FYCO1: variants seen among roughly 807,000 people sequenced by gnomAD.
The protein encoded by FYCO1 is FYVE and coiled-coil domain autophagy adaptor 1.
Under a neutral mutation model 165.1 loss-of-function variants are expected in FYCO1, and 122 were observed. That is an observed-to-expected ratio of 0.74 (90% CI 0.64 to 0.86). The LOEUF (loss-of-function observed/expected upper bound fraction) is 0.86, where lower values mean the gene tolerates loss of function less well. Among genes scored for constraint, FYCO1 ranks in the 40% least tolerant of loss-of-function variants. FYCO1 has a pLI of 0.00. For synonymous variants in FYCO1, 648 were observed against 742.5 expected (o/e 0.87, Z 2.07); for missense variants, 1,702 against 1,810.3 (o/e 0.94, Z 1.09).
rs142868764 is a variant in FYCO1 at position 45,968,479 on chromosome 3, C to T, written c.855G>A (p.Ala285=). 81 of 1,613,948 alleles carry T rather than the reference C, an allele frequency of 5.0e-5. No individual in the cohort carries two copies. Among genetic ancestry groups the T allele is most frequent in the Middle Eastern group, 1.6e-4 (1 of 6,082 alleles). The change falls in exon 8 of 18, where the codon GCG becomes GCA. Residue 285 remains alanine (A), a synonymous_variant. Coordinates refer to ENST00000296137, the MANE Select transcript of FYCO1 (RefSeq NM_024513.4). ...AGCAAGTGAGGCGAACGTTGTCCTC[C>T]GCTGCAGTGCGCCCCCTCTCCCTCT... ...QTERERGRTA[A]EDNVRLTCLV...
chr3:45,956,653 A>G (rs1705347651), intron 13 of FYCO1, among the ~76,000 whole-genome samples: 2 of 152,134 alleles, frequency 1.3e-5, no homozygotes, highest in South Asian at 4.1e-4. Context: ...TTTTCCATCA[A>G]TTCAGCCACA....
chr3:45,983,141 T>G (rs1439237384), intron 2 of FYCO1, among the ~76,000 whole-genome samples: 1 of 152,234 alleles, frequency 6.6e-6, no homozygotes, highest in Non-Finnish European at 1.5e-5. Flanking sequence ...ACCTGGCACA[T>G]GAAGGAAGCA....
At chr3:45,936,818 T>C (rs1575334590) in intron 14 of FYCO1, among the ~76,000 whole-genome samples, 1 of 151,988 alleles carries the variant, frequency 6.6e-6, no homozygotes, top group Non-Finnish European at 1.5e-5. Flanking sequence ...ATAGGAAGGG[T>C]GAGCAGAAAC....
chr3:45,986,220 T>G (rs914518269), intron 1 of FYCO1, among the ~76,000 whole-genome samples: 1 of 152,232 alleles, frequency 6.6e-6, no homozygotes, highest in Non-Finnish European at 1.5e-5. Context: ...TCCTACTGAC[T>G]TTTTAAGACT....
chr3:45,966,880 G>C lies in FYCO1; in HGVS notation c.2454C>G (p.Ala818=), dbSNP rs373925165. The stretch of plus-strand genomic sequence containing the variant: ...CAAGGGTTTTGTGCTCCCTCAGGAC[G>C]GCCTCAGCCATGCTTAGCTGGCTCT... ...KVQSQLSMAE[A]VLREHKTLVQ... Residue 818 remains alanine, a synonymous_variant, in exon 8 of 18, where the codon GCC becomes GCG. Transcript: ENST00000296137. The C allele has an allele frequency of 1.9e-6, 3 of 1,613,348 alleles. No homozygotes were observed. Among genetic ancestry groups the C allele is most frequent in the Admixed American group, 1.7e-5 (1 of 60,028 alleles).
At position 45,964,691 on chromosome 3, in the gene FYCO1, T is replaced by C. The variant is rs1435896092; in HGVS notation, c.3151-237A>G. 3.2e-6 allele frequency: 1 copy of C among 310,116 alleles called. No individual in the cohort carries two copies. The highest frequency in any genetic ancestry group is 1.7e-4 in the East Asian group (1 of 5,880). 19.2% of individuals were successfully genotyped at this position (310,116 alleles called of 1,614,324 possible). ...AGAATTCCCAGGGTAACACTGAAGG[T>C]AGGGGTGGCAGGGAGCAGGATTCAC... is the stretch of plus-strand genomic sequence containing the variant. On this transcript the variant is annotated intron_variant, in intron 9 of 17. Coordinates refer to ENST00000296137, the MANE Select transcript of FYCO1 (RefSeq NM_024513.4). This position sits in a 1 kb window ranked among gnomAD's most constrained non-coding sequence, Gnocchi z 4.1.
intron 1 of FYCO1, among the ~76,000 whole-genome samples, chr3:45,987,997 C>A (rs993490040): frequency 6.6e-6 from 1 of 152,216 alleles, no homozygotes; most frequent in African/African-American, 2.4e-5. Flanking sequence ...CTCTGTCTGA[C>A]CTTGGGAGTG....
rs149472411 is a variant in FYCO1 at position 45,967,341 on chromosome 3, C to G, written c.1993G>C (p.Ala665Pro). 3.4e-5 allele frequency: 55 copies of G among 1,609,340 alleles called. No homozygotes were observed. Among genetic ancestry groups the G allele is most frequent in the Non-Finnish European group, 4.5e-5 (53 of 1,176,686 alleles). ...AIQGSLASLE[A>P]EQASIRHLGD... Reference sequence around the variant, plus strand: ...AAGTGCCGGATGCTGGCCTGCTCGGCCTCCAGGGAGGCCAAGGAGCCCTGG... The same window carrying G: ...AAGTGCCGGATGCTGGCCTGCTCGGGCTCCAGGGAGGCCAAGGAGCCCTGG... Residue 665 changes from alanine to proline, a missense_variant, in exon 8 of 18, where the codon GCC (alanine) becomes CCC (proline). Coordinates refer to ENST00000296137, the MANE Select transcript of FYCO1 (RefSeq NM_024513.4).
chr3:45,976,970 A>G (rs1706791113), intron 4 of FYCO1, among the ~76,000 whole-genome samples: 1 of 152,166 alleles, frequency 6.6e-6, no homozygotes, highest in Non-Finnish European at 1.5e-5. Flanking sequence ...CTTTATAAAA[A>G]CCACCATGAC....
At position 45,923,785 on chromosome 3, in the gene FYCO1, G is replaced by A; in HGVS notation, c.4252-20C>T. 6.6e-7 allele frequency: 1 copy of A among 1,524,548 alleles called. No individual in the cohort carries two copies. The highest frequency in any genetic ancestry group is 1.7e-5 in the Admixed American group (1 of 59,920). 94.4% of individuals were successfully genotyped at this position (1,524,548 alleles called of 1,614,324 possible). Reference sequence around the variant, plus strand: ...GAGGACCTGGGAGGGAAAGCAGGTAGGCAAAAACATCACAGAGGCTGAGAG... The same window carrying A: ...GAGGACCTGGGAGGGAAAGCAGGTAAGCAAAAACATCACAGAGGCTGAGAG... On this transcript the variant is annotated intron_variant, in intron 16 of 17. Transcript: ENST00000296137.
At chr3:45,955,975 C>G (rs921517683) in intron 13 of FYCO1, among the ~76,000 whole-genome samples, 2 of 152,152 alleles carry the variant, frequency 1.3e-5, no homozygotes, top group African/African-American at 4.8e-5. Flanking sequence ...GTTCCTGTAC[C>G]AGTCATCTGC....
chr3:45,983,910 G>GT (rs1416532402), intron 2 of FYCO1, among the ~76,000 whole-genome samples: 1 of 152,226 alleles, frequency 6.6e-6, no homozygotes, highest in Non-Finnish European at 1.5e-5. Flanking sequence ...CTGAGAAAAT[G>GT]TTTTTTATCT....
chr3:45,959,265 G>T (rs1273540786), intron 12 of FYCO1, 128 bp downstream of exon 12: 5 of 1,045,668 alleles, frequency 4.8e-6, no homozygotes, highest in Non-Finnish European at 5.9e-6. Context: ...AAGCCAAAAC[G>T]CAATGTGCTC....
At chr3:45,981,466 G>C in intron 3 of FYCO1, 104 bp downstream of exon 3, 1 of 766,376 alleles carries the variant, frequency 1.3e-6, no homozygotes, top group Non-Finnish European at 2.3e-6. Flanking sequence ...AGGGCTTACT[G>C]GCTCCTTGGG....
intron 15 of FYCO1, among the ~76,000 whole-genome samples, chr3:45,935,517 G>A (rs1383294242): frequency 6.6e-6 from 1 of 152,184 alleles, no homozygotes; most frequent in Non-Finnish European, 1.5e-5. Context: ...GCATTGTCCT[G>A]TCTCAGGGCC....
Position 45,968,391 on chromosome 3 carries a change from G to C in FYCO1, c.943C>G (p.Leu315Val). ...TQATQNTVKE[L>V]QTCLQGLELG... is the part of the protein sequence containing the mutation. ...TCCAGGCCCTGCAGGCATGTCTGCA[G>C]CTCCTTCACAGTGTTCTGGGTGGCC... Residue 315 changes from leucine (L) to valine (V), a missense_variant, in exon 8 of 18, where the codon CTG becomes GTG. Physicochemically the swap from Leu to Val is conservative, Grantham distance 32 (BLOSUM62 1). Transcript: ENST00000296137. The C allele has an allele frequency of 6.2e-7, 1 of 1,613,698 alleles. No individual in the cohort carries two copies. The highest frequency in any genetic ancestry group is 8.5e-7 in the Non-Finnish European group (1 of 1,179,910).
intron 7 of FYCO1, 25 bp from the exon 8 acceptor site, chr3:45,968,728 A>G (rs775349362): frequency 1.2e-6 from 2 of 1,614,090 alleles, no homozygotes; most frequent in Non-Finnish European, 1.7e-6. Context: ...ACAAAAGACA[A>G]GTGGCTTTAG....
In FYCO1 at chr3:45,966,290, T is replaced by C. The variant is rs374013741; in HGVS notation, c.3044A>G (p.Gln1015Arg). 5.0e-6 allele frequency: 8 copies of C among 1,613,974 alleles called. No individual in the cohort carries two copies. The highest frequency in any genetic ancestry group is 6.8e-6 in the Non-Finnish European group (8 of 1,180,036). The change falls in exon 8 of 18, where the codon CAG becomes CGG. Residue 1015 changes from glutamine (Q) to arginine (R), a missense_variant. Gln to Arg is a conservative substitution (Grantham distance 43). Transcript: ENST00000296137. ...FQLSAEIMDY[Q>R]SRLKNAGEEC... is the part of the protein sequence containing the mutation. ...AGCTAGGATTACCTTAAGTCTGCTC[T>C]GGTAGTCCATGATTTCAGCACTCAG...
At chr3:45,970,479 A>G (rs1315386609) in intron 6 of FYCO1, among the ~76,000 whole-genome samples, 1 of 152,230 alleles carries the variant, frequency 6.6e-6, no homozygotes, top group African/African-American at 2.4e-5. Flanking sequence ...GCAGCACTGT[A>G]ACTGGAAAAA....
Sources: gnomAD v4.1 joint callset for allele counts (sites outside exome capture counted in the v4.1 genomes callset) on GRCh38, gnomAD v4.1.1 for gene constraint, Gnocchi (gnomAD v3.1) non-coding constraint, MANE v1.5 for transcripts, NCBI Gene and HGNC (gene_info 2026-07-23, HGNC 2026-07-21) for gene names.